SLC8A1: variants seen among roughly 807,000 people sequenced by gnomAD.
SLC8A1 encodes the protein sodium/calcium exchanger 1.
A neutral mutation model predicts 68.3 loss-of-function variants in SLC8A1; 18 were observed. The ratio of observed to expected loss-of-function variants is 0.26; its 90% CI spans 0.18 to 0.39. SLC8A1 has a LOEUF of 0.39. SLC8A1 is among the 10% of genes least tolerant of loss of function. The pLI, the probability that SLC8A1 is intolerant of heterozygous loss-of-function variation, is 1.00. For missense variants in SLC8A1, 985 were observed against 1,156.7 expected, an observed-to-expected ratio of 0.85 and a Z score of 2.15; for synonymous variants, 475 against 415.5, an observed-to-expected ratio of 1.14 and a Z score of -1.74.
chr2:40,302,977 T>C (rs2071806738), intron 2 of SLC8A1, among the ~76,000 whole-genome samples: 1 of 152,148 alleles, frequency 6.6e-6, no homozygotes, highest in African/African-American at 2.4e-5. Flanking sequence ...AAGCAAGCCC[T>C]GGGAGCCCAT....
At chr2:40,493,825 C>T (rs906175988) in intron 1 of SLC8A1, among the ~76,000 whole-genome samples, 1 of 151,884 alleles carries the variant, frequency 6.6e-6, no homozygotes, top group Non-Finnish European at 1.5e-5. Flanking sequence ...TGTCTATTGA[C>T]AACCAGTCAG....
intron 2 of SLC8A1, among the ~76,000 whole-genome samples, chr2:40,268,937 C>T (rs769681905): frequency 2.0e-5 from 3 of 152,190 alleles, no homozygotes; most frequent in Non-Finnish European, 4.4e-5. Flanking sequence ...TCAGTTGCAG[C>T]TTGGAGAGCA....
At chr2:40,296,188 C>T (rs1319657714) in intron 2 of SLC8A1, among the ~76,000 whole-genome samples, 1 of 152,128 alleles carries the variant, frequency 6.6e-6, no homozygotes, top group Non-Finnish European at 1.5e-5. Flanking sequence ...TCTGTAGCAA[C>T]TGAAACATAT....
rs144183583 is a variant in SLC8A1, at chr2:40,267,705, G to C, written c.1809-89850C>G. On this transcript the variant is annotated intron_variant, in intron 2 of 7. Transcript: ENST00000406785. ...TACAGAGTATGACAGGTTGAGTGTT[G>C]TGCTACGTGTTTCACTAACCGTATT... is the stretch of plus-strand genomic sequence containing the variant. Among the ~76,000 whole-genome samples the C allele has an allele frequency of 8.9e-3, 1,350 of 152,282 alleles. 16 individuals carry two copies. The highest frequency in any genetic ancestry group is 0.031 in the African/African-American group (1,270 of 41,546).
intron 2 of SLC8A1, among the ~76,000 whole-genome samples, chr2:40,292,840 A>G (rs141378077): frequency 1.1e-4 from 17 of 152,308 alleles, no homozygotes; most frequent in African/African-American, 3.8e-4. Context: ...CTATTCTCTT[A>G]CCAAACTCTG....
chr2:40,324,006 G>A (rs1328984662), intron 2 of SLC8A1, among the ~76,000 whole-genome samples: 1 of 149,840 alleles, frequency 6.7e-6, no homozygotes, highest in Non-Finnish European at 1.5e-5. Context: ...ATTCCAAATT[G>A]CAATGCTTAG....
chr2:40,322,408 A>G (rs951644174), intron 2 of SLC8A1, among the ~76,000 whole-genome samples: 7 of 151,310 alleles, frequency 4.6e-5, no homozygotes, highest in African/African-American at 1.7e-4. Context: ...CTGTAATCCC[A>G]GTGCTTTGGG....
In SLC8A1 at chr2:40,497,328, T is replaced by C. The variant is rs190160302; in HGVS notation, c.-25+15021A>G. 1.5e-3 allele frequency among the ~76,000 whole-genome samples: 228 copies of C among 152,210 alleles called. 1 individual carries two copies. The highest frequency in any genetic ancestry group is 2.6e-3 in the Non-Finnish European group (180 of 68,004). On this transcript the variant is annotated intron_variant, in intron 1 of 7. Coordinates refer to the SLC8A1 transcript ENST00000402441. ...AGATTTATCAAGCATACCCACTGTG[T>C]GTCAGACACTGTGTCAAGTCCTGAG...
chr2:40,500,795 C>CT (rs1191619172), intron 1 of SLC8A1, among the ~76,000 whole-genome samples: 17,257 of 36,974 alleles, frequency 0.47, 6,802 homozygotes, highest in Non-Finnish European at 0.62. Flanking sequence ...TATCATCTGA[C>CT]TTTTTTTTTT....
intron 2 of SLC8A1, among the ~76,000 whole-genome samples, chr2:40,394,555 A>T (rs111995043): frequency 0.017 from 2,530 of 152,178 alleles, 21 homozygotes; most frequent in Middle Eastern, 0.065. Flanking sequence ...CATTTCGATA[A>T]GATTATACAG....
chr2:40,253,068 C>CATATG, intron 2 of SLC8A1, among the ~76,000 whole-genome samples: 1 of 91,516 alleles, frequency 1.1e-5, no homozygotes, highest in Non-Finnish European at 2.3e-5. Context: ...CATGTATATA[C>CATATG]TATATATGTG....
chr2:40,174,381 T>C (rs1372562682), intron 4 of SLC8A1, among the ~76,000 whole-genome samples: 1 of 152,170 alleles, frequency 6.6e-6, no homozygotes, highest in Non-Finnish European at 1.5e-5. Flanking sequence ...TCAGCTTCTA[T>C]GTTTCTCTGA....
At chr2:40,404,481 A>C (rs1204345724) in intron 2 of SLC8A1, among the ~76,000 whole-genome samples, 3 of 152,208 alleles carry the variant, frequency 2.0e-5, no homozygotes, top group Non-Finnish European at 4.4e-5. Context: ...GGTTTTATGC[A>C]ACAGCTATCA....
intron 2 of SLC8A1, among the ~76,000 whole-genome samples, chr2:40,189,335 T>C (rs2051301208): frequency 6.6e-6 from 1 of 152,232 alleles, no homozygotes; most frequent in South Asian, 2.1e-4. Context: ...TTATGTTTAT[T>C]ATCGAGACGG....
chr2:40,202,589 T>G (rs1390984383), intron 2 of SLC8A1, among the ~76,000 whole-genome samples: 1 of 152,022 alleles, frequency 6.6e-6, no homozygotes, highest in Non-Finnish European at 1.5e-5. Context: ...TTTATCCTTT[T>G]TTTCTAAGCT....
intron 2 of SLC8A1, among the ~76,000 whole-genome samples, chr2:40,359,500 C>A (rs1575678573): frequency 1.3e-5 from 2 of 152,036 alleles, no homozygotes; most frequent in African/African-American, 4.8e-5. Flanking sequence ...GGGATCTTCG[C>A]AGCTTCTGGG....
intron 2 of SLC8A1, among the ~76,000 whole-genome samples, chr2:40,255,540 G>T (rs2063773643): frequency 6.6e-6 from 1 of 152,208 alleles, no homozygotes; most frequent in African/African-American, 2.4e-5. Flanking sequence ...GGAAACCTCA[G>T]TGCTTCAGGT....
At chr2:40,127,027 C>T (rs1477212849) in intron 7 of SLC8A1, among the ~76,000 whole-genome samples, 1 of 152,170 alleles carries the variant, frequency 6.6e-6, no homozygotes, top group African/African-American at 2.4e-5. Flanking sequence ...TGGTATTTAT[C>T]TCTTTTTTAA....
At chr2:40,442,466 A>C (rs969446408) in intron 1 of SLC8A1, among the ~76,000 whole-genome samples, 13 of 152,040 alleles carry the variant, frequency 8.6e-5, no homozygotes, top group Non-Finnish European at 1.8e-4. Context: ...CGCTTATCAA[A>C]AGAAGTCATT....
Sources: allele counts gnomAD v4.1 joint callset (sites outside exome capture counted in the v4.1 genomes callset), GRCh38; gene constraint gnomAD v4.1.1; transcripts MANE v1.5; gene names NCBI Gene and HGNC (gene_info 2026-07-23, HGNC 2026-07-21).